The following RSPO2 variants were observed in gnomAD, a reference collection of about 807,000 sequenced individuals.
RSPO2 encodes R-spondin 2.
In RSPO2, 14 loss-of-function variants were observed where a neutral mutation model predicts 30.9. That is an observed-to-expected ratio of 0.45 (90% CI 0.30 to 0.71). The LOEUF (loss-of-function observed/expected upper bound fraction) is 0.71, where lower values mean the gene tolerates loss of function less well. Ranked by LOEUF, RSPO2 falls within the 30% of genes least tolerant of loss-of-function variation. The probability of loss-of-function intolerance (pLI) is 0.08; values close to 1 mark genes in which losing one functional copy is unlikely to be tolerated. For synonymous variants in RSPO2, 107 were observed against 96.4 expected (o/e 1.11, Z -0.64); for missense variants, 264 against 301.9 (o/e 0.87, Z 0.93).
intron 3 of RSPO2, among the ~76,000 whole-genome samples, chr8:107,981,871 C>T (rs2130503204): frequency 6.6e-6 from 1 of 151,630 alleles, no homozygotes; most frequent in South Asian, 2.1e-4. Context: ...TCTAATAATA[C>T]ATTTTTTAAA....
intron 2 of RSPO2, among the ~76,000 whole-genome samples, chr8:108,024,091 G>A (rs1811131949): frequency 1.3e-5 from 2 of 151,824 alleles, no homozygotes; most frequent in South Asian, 4.1e-4. Context: ...TGACAATTTT[G>A]TTGCAAAGGT....
chr8:107,929,257 A>G (rs1434650049), intron 5 of RSPO2, among the ~76,000 whole-genome samples: 2 of 152,238 alleles, frequency 1.3e-5, no homozygotes, highest in East Asian at 3.8e-4. Context: ...AGAAGTACTC[A>G]TGTCCAACGA....
At chr8:107,993,156 T>TA (rs1814907307) in intron 2 of RSPO2, among the ~76,000 whole-genome samples, 1 of 152,160 alleles carries the variant, frequency 6.6e-6, no homozygotes, top group Non-Finnish European at 1.5e-5. Context: ...CTTAAAGCAT[T>TA]CAGAGTTTCC....
intron 2 of RSPO2, among the ~76,000 whole-genome samples, chr8:108,020,544 C>G (rs939782108): frequency 3.9e-5 from 6 of 152,152 alleles, no homozygotes; most frequent in Admixed American, 3.9e-4. Context: ...TCATCACTAC[C>G]CATGCCTAGA....
intron 3 of RSPO2, among the ~76,000 whole-genome samples, chr8:107,962,127 T>G (rs1018883528): frequency 1.4e-4 from 21 of 152,166 alleles, no homozygotes; most frequent in African/African-American, 5.1e-4. Context: ...GTATTCATTT[T>G]ACAAGGCTCC....
At chr8:107,976,997 T>A (rs982034602) in intron 3 of RSPO2, among the ~76,000 whole-genome samples, 1 of 151,910 alleles carries the variant, frequency 6.6e-6, no homozygotes, top group South Asian at 2.1e-4. Flanking sequence ...AGAAACATGG[T>A]ATGAGAAAGT....
chr8:107,930,177 T>A (rs1812509182), intron 5 of RSPO2, among the ~76,000 whole-genome samples: 1 of 152,214 alleles, frequency 6.6e-6, no homozygotes, highest in South Asian at 2.1e-4. Flanking sequence ...ACATAGGTAT[T>A]ATTTTACAAA....
chr8:108,061,890 A>C (rs2130705356), intron 2 of RSPO2, among the ~76,000 whole-genome samples: 1 of 151,966 alleles, frequency 6.6e-6, no homozygotes, highest in African/African-American at 2.4e-5. Flanking sequence ...CTCACTCAAA[A>C]CCGCTCAACT....
intron 2 of RSPO2, among the ~76,000 whole-genome samples, chr8:107,990,076 T>TA (rs1814795984): frequency 6.6e-6 from 1 of 152,056 alleles, no homozygotes; most frequent in African/African-American, 2.4e-5. Context: ...GATAAAGGGA[T>TA]AACTAGAAAT....
At chr8:108,025,248 T>C (rs996276860) in intron 2 of RSPO2, among the ~76,000 whole-genome samples, 5 of 152,084 alleles carry the variant, frequency 3.3e-5, no homozygotes, top group Non-Finnish European at 7.3e-5. Flanking sequence ...CATTCTCAAC[T>C]AAAAGGAGCT....
At chr8:108,021,679 C>T (rs1231056711) in intron 2 of RSPO2, among the ~76,000 whole-genome samples, 1 of 151,058 alleles carries the variant, frequency 6.6e-6, no homozygotes, top group Non-Finnish European at 1.5e-5. Flanking sequence ...TGCCAATGGG[C>T]TAAGAAAGAA....
intron 2 of RSPO2, among the ~76,000 whole-genome samples, chr8:108,063,582 A>G (rs13249702): frequency 0.22 from 32,844 of 151,752 alleles, 3,885 homozygotes; most frequent in East Asian, 0.43. Context: ...GGAAGAATCA[A>G]TATCATGAAA....
intron 3 of RSPO2, among the ~76,000 whole-genome samples, chr8:107,965,426 G>A (rs1476580519): frequency 6.6e-6 from 1 of 152,094 alleles, no homozygotes; most frequent in Non-Finnish European, 1.5e-5. Context: ...AAATCACACT[G>A]TAGTCCAGCT....
intron 5 of RSPO2, among the ~76,000 whole-genome samples, chr8:107,949,922 T>C (rs1262024594): frequency 6.6e-6 from 1 of 152,200 alleles, no homozygotes; most frequent in Non-Finnish European, 1.5e-5. Flanking sequence ...GTCAAGTTCA[T>C]AGTCACACCT....
At chr8:107,914,319 C>A (rs1811911459) in intron 5 of RSPO2, among the ~76,000 whole-genome samples, 1 of 152,020 alleles carries the variant, frequency 6.6e-6, no homozygotes, top group African/African-American at 2.4e-5. Flanking sequence ...TCAAATACTG[C>A]ATTCTGTTTG....
At chr8:107,907,222 T>C (rs550706548) in intron 5 of RSPO2, among the ~76,000 whole-genome samples, 1 of 152,070 alleles carries the variant, frequency 6.6e-6, no homozygotes, top group South Asian at 2.1e-4. Context: ...ATGAATCAAT[T>C]GTGGCTCTTT....
intron 2 of RSPO2, among the ~76,000 whole-genome samples, chr8:108,075,203 G>A (rs191557728): frequency 2.6e-4 from 39 of 152,102 alleles, no homozygotes; most frequent in South Asian, 4.2e-4. Context: ...GTTACCAGCC[G>A]GGCACGGTGG....
intron 2 of RSPO2, among the ~76,000 whole-genome samples, chr8:108,068,607 C>T (rs1812743544): frequency 6.6e-6 from 1 of 152,156 alleles, no homozygotes; most frequent in Non-Finnish European, 1.5e-5. Context: ...GTGAATGTGG[C>T]CTTATTTGCA....
intron 5 of RSPO2, among the ~76,000 whole-genome samples, chr8:107,923,815 A>C (rs1440185747): frequency 6.6e-6 from 1 of 152,132 alleles, no homozygotes; most frequent in Non-Finnish European, 1.5e-5. Flanking sequence ...GCTGGAGGCC[A>C]TTATCCTTAC....
Sources: gnomAD v4.1 joint callset for allele counts (sites outside exome capture counted in the v4.1 genomes callset) on GRCh38, gnomAD v4.1.1 for gene constraint, MANE v1.5 for transcripts, NCBI Gene and HGNC (gene_info 2026-07-23, HGNC 2026-07-21) for gene names.